The following SOX5 variants were observed in gnomAD, a reference collection of about 807,000 sequenced individuals.
SOX5 encodes SRY-box transcription factor 5.
Under a neutral mutation model 92.0 loss-of-function variants are expected in SOX5, and 9 were observed. The ratio of observed to expected loss-of-function variants is 0.10; its 90% CI spans 0.06 to 0.17. SOX5 has a LOEUF of 0.17. Among genes scored for constraint, SOX5 ranks in the 10% least tolerant of loss-of-function variants. The pLI, the probability that SOX5 is intolerant of heterozygous loss-of-function variation, is 1.00. For synonymous variants in SOX5, 344 were observed against 336.3 expected (o/e 1.02, Z -0.25); for missense variants, 642 against 944.5 (o/e 0.68, Z 4.20).
intron 4 of SOX5, among the ~76,000 whole-genome samples, chr12:24,183,447 C>T (rs1412692824): frequency 1.3e-5 from 2 of 152,072 alleles, no homozygotes; most frequent in African/African-American, 2.4e-5. Flanking sequence ...TATTATGTTG[C>T]CAGTGTACCA....
intron 1 of SOX5, among the ~76,000 whole-genome samples, chr12:24,481,784 C>A (rs531610007): frequency 4.6e-5 from 7 of 152,172 alleles, no homozygotes; most frequent in Non-Finnish European, 8.8e-5. Flanking sequence ...CCTGCTGAAC[C>A]ATGATGCCAT....
chr12:23,615,005 T>G (rs1196865339), intron 8 of SOX5, among the ~76,000 whole-genome samples: 1 of 152,062 alleles, frequency 6.6e-6, no homozygotes, highest in Non-Finnish European at 1.5e-5. Flanking sequence ...GGTTTTACCA[T>G]GTTGGTCAGG....
intron 4 of SOX5, among the ~76,000 whole-genome samples, chr12:24,014,252 C>A (rs1953307291): frequency 6.6e-6 from 1 of 152,124 alleles, no homozygotes; most frequent in Admixed American, 6.6e-5. Context: ...TCTCTTAGCG[C>A]CTCCTTTAAC....
At chr12:23,623,916 C>T (rs2077464032) in intron 8 of SOX5, among the ~76,000 whole-genome samples, 1 of 151,956 alleles carries the variant, frequency 6.6e-6, no homozygotes, top group Non-Finnish European at 1.5e-5. Context: ...GTCATAATAG[C>T]CCAAAGGTAG....
chr12:24,310,309 A>G (rs1308618682), intron 2 of SOX5, among the ~76,000 whole-genome samples: 2 of 152,140 alleles, frequency 1.3e-5, no homozygotes, highest in African/African-American at 4.8e-5. Context: ...GTGCTTTCTA[A>G]AATATGAATG....
intron 4 of SOX5, among the ~76,000 whole-genome samples, chr12:24,038,130 A>T (rs1248634175): frequency 6.6e-6 from 1 of 152,194 alleles, no homozygotes; most frequent in Non-Finnish European, 1.5e-5. Flanking sequence ...GCAAAATCCT[A>T]CCAAAATTAA....
At chr12:24,324,497 T>A (rs1056535625) in intron 2 of SOX5, among the ~76,000 whole-genome samples, 17 of 152,080 alleles carry the variant, frequency 1.1e-4, no homozygotes, top group South Asian at 2.1e-4. Flanking sequence ...CTTTTTTTTT[T>A]TAAACAAAGA....
chr12:23,946,889 C>T (rs1220388957), intron 1 of SOX5, among the ~76,000 whole-genome samples: 2 of 151,904 alleles, frequency 1.3e-5, no homozygotes, highest in African/African-American at 4.8e-5. Flanking sequence ...GTTCTATTTG[C>T]ACTACCTCCT....
chr12:23,739,969 T>G (rs1047962842), intron 5 of SOX5, among the ~76,000 whole-genome samples: 1 of 152,240 alleles, frequency 6.6e-6, no homozygotes, highest in African/African-American at 2.4e-5. Flanking sequence ...TTTGTCTCTC[T>G]GGTTAATTGA....
At chr12:23,694,230 C>A (rs1244109107) in intron 6 of SOX5, among the ~76,000 whole-genome samples, 2 of 152,090 alleles carry the variant, frequency 1.3e-5, no homozygotes, top group Admixed American at 6.6e-5. Flanking sequence ...GAATGAATTT[C>A]TTTTTATGTA....
intron 4 of SOX5, among the ~76,000 whole-genome samples, chr12:24,046,856 A>ATT (rs35998099): frequency 0.013 from 1,929 of 148,174 alleles, 38 homozygotes; most frequent in African/African-American, 0.045. Flanking sequence ...ACTTTTTTGT[A>ATT]TTTTTTTTTT....
intron 3 of SOX5, among the ~76,000 whole-genome samples, chr12:23,794,303 T>C (rs1049705041): frequency 6.6e-6 from 1 of 152,142 alleles, no homozygotes; most frequent in Non-Finnish European, 1.5e-5. Flanking sequence ...TTATAAATCT[T>C]ACTCCCCATA....
At chr12:24,429,057 A>G (rs927007281) in intron 1 of SOX5, among the ~76,000 whole-genome samples, 1 of 151,912 alleles carries the variant, frequency 6.6e-6, no homozygotes. Flanking sequence ...GTGGCTCACG[A>G]CTGTAATCCC....
At chr12:24,280,461 T>A (rs552820946) in intron 2 of SOX5, among the ~76,000 whole-genome samples, 2 of 152,184 alleles carry the variant, frequency 1.3e-5, no homozygotes, top group African/African-American at 4.8e-5. Flanking sequence ...GATCAAATAT[T>A]ACATAATATC....
At chr12:24,489,282 G>A (rs2137934914) in intron 1 of SOX5, among the ~76,000 whole-genome samples, 1 of 152,294 alleles carries the variant, frequency 6.6e-6, no homozygotes, top group East Asian at 1.9e-4. Flanking sequence ...ATCAGAGCCA[G>A]GTATCAGAGT....
intron 1 of SOX5, among the ~76,000 whole-genome samples, chr12:23,913,121 G>T (rs916804562): frequency 6.6e-6 from 1 of 152,086 alleles, no homozygotes; most frequent in South Asian, 2.1e-4. Flanking sequence ...GAAAGTGGCT[G>T]AACTAGAATT....
intron 2 of SOX5, among the ~76,000 whole-genome samples, chr12:24,354,287 A>C (rs1954514627): frequency 6.6e-6 from 1 of 152,212 alleles, no homozygotes; most frequent in Non-Finnish European, 1.5e-5. Flanking sequence ...AAAACAAAAC[A>C]AAAAAATCCC....
At chr12:23,958,719 G>T (rs565718264) in intron 4 of SOX5, among the ~76,000 whole-genome samples, 1 of 82,962 alleles carries the variant, frequency 1.2e-5, no homozygotes, top group Admixed American at 1.7e-4. Context: ...ATTATGTGGG[G>T]ATTTTAAGTA....
intron 1 of SOX5, among the ~76,000 whole-genome samples, chr12:24,556,984 C>G (rs1353310758): frequency 6.6e-6 from 1 of 152,198 alleles, no homozygotes; most frequent in Non-Finnish European, 1.5e-5. Context: ...GTGTAGCTAA[C>G]ATTTATTGAG....
Sources: gnomAD v4.1 joint callset for allele counts (sites outside exome capture counted in the v4.1 genomes callset) on GRCh38, gnomAD v4.1.1 for gene constraint, MANE v1.5 for transcripts, NCBI Gene and HGNC (gene_info 2026-07-23, HGNC 2026-07-21) for gene names.